Variants in BAZ1A observed in about 807,000 individuals in gnomAD.
BAZ1A encodes bromodomain adjacent to zinc finger domain protein 1A.
A neutral mutation model predicts 185.2 loss-of-function variants in BAZ1A; 50 were observed. The ratio of observed to expected loss-of-function variants is 0.27; its 90% confidence interval spans 0.22 to 0.34. The LOEUF (loss-of-function observed/expected upper bound fraction) is 0.34. Ranked by LOEUF, BAZ1A falls within the 10% of genes least tolerant of loss-of-function variation. The pLI is 1.00. For synonymous variants in BAZ1A, 571 were observed against 615.6 expected (o/e 0.93, Z 1.07); for missense variants, 1,356 against 1,839.9 (o/e 0.74, Z 4.81).
chr14:34,809,932 T>A (rs2041906820), intron 5 of BAZ1A, among the ~76,000 whole-genome samples: 1 of 152,180 alleles, frequency 6.6e-6, no homozygotes, highest in African/African-American at 2.4e-5. Context: ...AATCAAACAT[T>A]AGTTTTAGAA....
intron 4 of BAZ1A, among the ~76,000 whole-genome samples, chr14:34,817,530 G>A (rs1386157119): frequency 2.6e-5 from 4 of 152,248 alleles, no homozygotes; most frequent in Non-Finnish European, 5.9e-5. Context: ...GGAGGTTGCA[G>A]TGAGCCAAGA....
rs760929467 is a variant in BAZ1A, at chr14:34,765,123, C to T, written c.3447G>A (p.Ala1149=). The T allele has an allele frequency of 4.0e-5, 64 of 1,613,992 alleles. No homozygotes were observed. The highest frequency in any genetic ancestry group is 1.6e-4 in the East Asian group (7 of 44,894). Residue 1149 remains alanine (A), a synonymous_variant, in exon 22 of 27, where the codon GCG becomes GCA. Coordinates refer to ENST00000360310, the MANE Select transcript of BAZ1A (RefSeq NM_013448.3). The part of the protein sequence containing the change: ...SVIWSKSILN[A]RCKICRKKGD... Reference sequence around the variant, plus strand: ...CTTTCTTTCGACATATCTTGCAACGCGCATTCAGTATAGATTTAGACCATA... The same window carrying T: ...CTTTCTTTCGACATATCTTGCAACGTGCATTCAGTATAGATTTAGACCATA...
intron 2 of BAZ1A, among the ~76,000 whole-genome samples, chr14:34,868,148 T>A (rs2042891402): frequency 6.6e-6 from 1 of 152,224 alleles, no homozygotes; most frequent in Non-Finnish European, 1.5e-5. Context: ...CACCTGTTTT[T>A]GTAGATTTTT....
intron 3 of BAZ1A, among the ~76,000 whole-genome samples, chr14:34,833,249 C>T (rs1443669071): frequency 2.0e-5 from 3 of 152,188 alleles, no homozygotes; most frequent in African/African-American, 7.2e-5. Flanking sequence ...CCAAGCTTGG[C>T]TGGGTGTGGT....
intron 3 of BAZ1A, among the ~76,000 whole-genome samples, chr14:34,832,211 C>CATATAT (rs1181710627): frequency 2.0e-4 from 13 of 65,530 alleles, no homozygotes; most frequent in Admixed American, 1.6e-3. Flanking sequence ...CACACACACA[C>CATATAT]ACACATATAT....
intron 4 of BAZ1A, among the ~76,000 whole-genome samples, chr14:34,819,466 C>T (rs577475592): frequency 9.9e-5 from 15 of 152,054 alleles, no homozygotes; most frequent in African/African-American, 1.7e-4. Flanking sequence ...GTAGACTTTT[C>T]AGATTGTATA....
intron 3 of BAZ1A, among the ~76,000 whole-genome samples, chr14:34,828,293 C>CAAAAAAAA (rs369878009): frequency 1.2e-5 from 1 of 83,558 alleles, no homozygotes; most frequent in Non-Finnish European, 2.2e-5. Context: ...AACTCCGTCT[C>CAAAAAAAA]AAAAAAAAAA....
chr14:34,861,775 G>C (rs2042772377), intron 3 of BAZ1A, among the ~76,000 whole-genome samples: 1 of 152,114 alleles, frequency 6.6e-6, no homozygotes, highest in South Asian at 2.1e-4. Flanking sequence ...GCATTAAAAA[G>C]GGAAGGAATT....
intron 7 of BAZ1A, 124 bp downstream of exon 7, chr14:34,802,730 T>G (rs1881633342): frequency 1.0e-6 from 1 of 999,134 alleles, no homozygotes; most frequent in Non-Finnish European, 1.4e-6. Context: ...CTTACATACT[T>G]TTTGGTGAGG....
At chr14:34,829,327 CCAGCTATT>C (rs2042207196) in intron 3 of BAZ1A, among the ~76,000 whole-genome samples, 1 of 147,968 alleles carries the variant, frequency 6.8e-6, no homozygotes, top group African/African-American at 2.5e-5. Context: ...ACCTGTAATT[CCAGCTATT>C]CAGATCCTAC....
intron 3 of BAZ1A, among the ~76,000 whole-genome samples, chr14:34,854,198 G>A (rs7140479): frequency 0.43 from 65,242 of 151,932 alleles, 14,416 homozygotes; most frequent in South Asian, 0.54. Flanking sequence ...AGGCCAAGAC[G>A]GGTGGATCAC....
chr14:34,856,197 T>A (rs1171265600), intron 3 of BAZ1A, among the ~76,000 whole-genome samples: 1 of 152,116 alleles, frequency 6.6e-6, no homozygotes, highest in Non-Finnish European at 1.5e-5. Flanking sequence ...AATGCCACAC[T>A]GAACTTGGAT....
Position 34,754,624 on chromosome 14 carries a change from A to G in BAZ1A, c.4474+203T>C, listed in dbSNP as rs956980067. 3.9e-4 allele frequency among the ~76,000 whole-genome samples: 60 copies of G among 152,120 alleles called. 5 individuals carry two copies. The highest frequency in any genetic ancestry group is 3.9e-3 in the Admixed American group (60 of 15,252). On this transcript the variant is annotated intron_variant, in intron 26 of 26. Coordinates refer to ENST00000360310, the MANE Select transcript of BAZ1A (RefSeq NM_013448.3). The stretch of plus-strand genomic sequence containing the variant: ...CTATAAAGTATCTTTAACTTACTTG[A>G]TCCTAATCCATCTTTCATCCCCACA...
At chr14:34,855,786 GCTA>G (rs1319498121) in intron 3 of BAZ1A, among the ~76,000 whole-genome samples, 1 of 152,146 alleles carries the variant, frequency 6.6e-6, no homozygotes, top group African/African-American at 2.4e-5. Flanking sequence ...TGTGGTCCCA[GCTA>G]CTCAGGAGGA....
intron 17 of BAZ1A, 74 bp downstream of exon 17, chr14:34,780,112 G>A: frequency 1.3e-6 from 2 of 1,551,978 alleles, no homozygotes; most frequent in South Asian, 1.2e-5. Flanking sequence ...TATTTCAGAG[G>A]AGCTGAATTA....
At chr14:34,755,943 C>A (rs1886220166) in intron 25 of BAZ1A, among the ~76,000 whole-genome samples, 1 of 151,382 alleles carries the variant, frequency 6.6e-6, no homozygotes, top group South Asian at 2.1e-4. Context: ...GCCTCAGATT[C>A]CCAAGTAACT....
chr14:34,828,137 T>C (rs1055813639), intron 3 of BAZ1A, among the ~76,000 whole-genome samples: 4 of 150,738 alleles, frequency 2.7e-5, no homozygotes, highest in Non-Finnish European at 5.9e-5. Context: ...GTAAAAAAAA[T>C]ACAGAATTAA....
At chr14:34,818,263 T>C (rs564172122) in intron 4 of BAZ1A, among the ~76,000 whole-genome samples, 1 of 152,148 alleles carries the variant, frequency 6.6e-6, no homozygotes, top group African/African-American at 2.4e-5. Context: ...TTTCTACCTA[T>C]ACAAAATATC....
At chr14:34,774,283 G>T in intron 19 of BAZ1A, 44 bp downstream of exon 19, 1 of 1,540,930 alleles carries the variant, frequency 6.5e-7, no homozygotes, top group South Asian at 1.3e-5. Context: ...CAAAATTCTG[G>T]ACCAAGTAGA....
Sources: gnomAD v4.1 joint callset for allele counts (sites outside exome capture counted in the v4.1 genomes callset) on GRCh38, gnomAD v4.1.1 for gene constraint, MANE v1.5 for transcripts, NCBI Gene and HGNC (gene_info 2026-07-23, HGNC 2026-07-21) for gene names.